DMD: variants seen among roughly 807,000 people sequenced by gnomAD.
The protein encoded by DMD is mutant dystrophin.
A neutral mutation model predicts 330.1 loss-of-function variants in DMD; 63 were observed. That is an observed-to-expected ratio of 0.19 (90% CI 0.16 to 0.24). The LOEUF is 0.24. DMD is among the 10% of genes least tolerant of loss of function. The pLI, the probability that DMD is intolerant of heterozygous loss-of-function variation, is 1.00. For missense variants in DMD, 3,344 were observed against 2,684.1 expected (o/e 1.25, Z -5.43); for synonymous variants, 1,223 against 959.8 (o/e 1.27, Z -5.07).
chrX:32,938,333 G>C (rs181218616), intron 2 of DMD, among the ~76,000 whole-genome samples: 1 of 111,807 alleles, frequency 8.9e-6, no homozygotes, highest in East Asian at 2.8e-4. Context: ...AAAATAACCT[G>C]TGATAGTCCA....
rs774288643 is a variant in DMD, at chrX:32,303,427, GTGTA to G, written c.6117+6651_6117+6654del. ...ACTAATTTTTCTTCCTGGTGGCTGT[GTGTA>G]TGTATCACCTTCTTGAAAAATGTAG... On this transcript the variant is annotated intron_variant, in intron 42 of 78. Coordinates refer to ENST00000357033, the MANE Select transcript of DMD (RefSeq NM_004006.3). Among the ~76,000 whole-genome samples, 22 of 111,186 alleles carry G rather than the reference GTGTA, an allele frequency of 2.0e-4. No individual in the cohort carries two copies. In the South Asian group the frequency reaches 7.8e-3, roughly 40 times the overall value.
chrX:31,866,729 T>G (rs181812028), intron 48 of DMD, among the ~76,000 whole-genome samples: 64 of 112,077 alleles, frequency 5.7e-4, no homozygotes, highest in Middle Eastern at 4.6e-3. Context: ...GGAAACAACT[T>G]TGTATGCAAA....
chrX:33,119,171 A>G (rs1251730981), intron 1 of DMD, among the ~76,000 whole-genome samples: 1 of 112,415 alleles, frequency 8.9e-6, no homozygotes, highest in Non-Finnish European at 1.9e-5. Flanking sequence ...CATTGTATAT[A>G]TAATAGAGAA....
chrX:31,981,570 C>A (rs2095476177), intron 44 of DMD, among the ~76,000 whole-genome samples: 1 of 111,087 alleles, frequency 9.0e-6, no homozygotes, highest in Non-Finnish European at 1.9e-5. Flanking sequence ...CATTCAGGGC[C>A]TTTTTACTTC....
rs1255008402 is a variant in DMD at position 32,448,442 on chromosome X, G to C, written c.3786+14C>G. 12 of 1,205,035 alleles carry C rather than the reference G, an allele frequency of 1.0e-5. No homozygotes were observed. Among genetic ancestry groups the C allele is most frequent in the Non-Finnish European group, 1.3e-5 (12 of 891,364 alleles). ...TTGACATATCATTGACAAAGACCAA[G>C]AAAAGCAACTGACTTCCAAAGTCTT... On this transcript the variant is annotated intron_variant, in intron 27 of 78. Transcript: ENST00000357033.
At chrX:31,612,324 T>C (rs189975094) in intron 55 of DMD, among the ~76,000 whole-genome samples, 38 of 112,270 alleles carry the variant, frequency 3.4e-4, no homozygotes, top group Non-Finnish European at 6.4e-4. Context: ...TTCTTTTAAC[T>C]TCTTGTTCAA....
intron 9 of DMD, among the ~76,000 whole-genome samples, chrX:32,649,879 A>T (rs1425976364): frequency 9.0e-6 from 1 of 111,505 alleles, no homozygotes; most frequent in Non-Finnish European, 1.9e-5. Context: ...AAAAATAAAA[A>T]TATACGTACG....
chrX:32,508,099 A>C (rs776909186), intron 18 of DMD, among the ~76,000 whole-genome samples: 3 of 110,921 alleles, frequency 2.7e-5, no homozygotes, highest in African/African-American at 9.8e-5. Flanking sequence ...GGCCAACAAG[A>C]TATCACAAGG....
At chrX:33,062,484 T>C (rs946460264) in intron 1 of DMD, among the ~76,000 whole-genome samples, 2 of 112,387 alleles carry the variant, frequency 1.8e-5, no homozygotes, top group African/African-American at 6.5e-5. Flanking sequence ...TATTTATCTA[T>C]TTATTTTTGA....
intron 44 of DMD, among the ~76,000 whole-genome samples, chrX:32,042,026 CATATATATATATATAT>C (rs57983190): frequency 1.3e-3 from 52 of 40,459 alleles, no homozygotes; most frequent in Admixed American, 1.8e-3. Flanking sequence ...TCTCTCTGTT[CATATATATATATATAT>C]ATATATATAT....
At chrX:33,107,714 T>G (rs1416649623) in intron 1 of DMD, among the ~76,000 whole-genome samples, 1 of 111,486 alleles carries the variant, frequency 9.0e-6, no homozygotes, top group Non-Finnish European at 1.9e-5. Flanking sequence ...GTCATTAACT[T>G]TAGTGGAGGA....
intron 74 of DMD, among the ~76,000 whole-genome samples, chrX:31,162,091 A>C (rs2038882468): frequency 9.0e-6 from 1 of 111,330 alleles, no homozygotes; most frequent in Admixed American, 9.6e-5. Context: ...TTGTAACAGT[A>C]GGATATAAGT....
chrX:31,785,360 T>C (rs896225184), intron 50 of DMD, among the ~76,000 whole-genome samples: 1 of 112,025 alleles, frequency 8.9e-6, no homozygotes, highest in Admixed American at 9.5e-5. Context: ...TAGAGATCTG[T>C]TGAATAACAA....
chrX:32,841,356 G>A (rs778674804), intron 4 of DMD, among the ~76,000 whole-genome samples: 1 of 111,748 alleles, frequency 8.9e-6, no homozygotes, highest in Admixed American at 9.5e-5. Flanking sequence ...CATGTAAATG[G>A]AAAAGATTAC....
rs758799900 is a variant in DMD at position 31,223,155 on chromosome X, T to A, written c.9287-34A>T. On this transcript the variant is annotated intron_variant, in intron 63 of 78. Coordinates refer to ENST00000357033, the MANE Select transcript of DMD (RefSeq NM_004006.3). ...AGGGAAAACAAAGAGCATTTGTTAT[T>A]CCATCAGAAATAACAGACAACCCAC... 7 of 1,160,545 alleles carry A rather than the reference T, an allele frequency of 6.0e-6. No homozygotes were observed. In the South Asian group the frequency reaches 1.1e-4, roughly 18 times the overall value.
chrX:32,242,163 C>T (rs1379619105), intron 43 of DMD, among the ~76,000 whole-genome samples: 1 of 112,268 alleles, frequency 8.9e-6, no homozygotes, highest in East Asian at 2.8e-4. Context: ...ATTCCACCTT[C>T]AGTCCTTCAG....
intron 2 of DMD, among the ~76,000 whole-genome samples, chrX:32,900,421 C>A (rs1470636568): frequency 2.7e-5 from 3 of 111,537 alleles, no homozygotes; most frequent in African/African-American, 9.8e-5. Context: ...AGCTCTCAGT[C>A]TAACCTTGAA....
chrX:32,555,417 C>A (rs1019360179), intron 16 of DMD, among the ~76,000 whole-genome samples: 20 of 111,656 alleles, frequency 1.8e-4, no homozygotes, highest in African/African-American at 5.9e-4. Flanking sequence ...TCCTTTTCAA[C>A]ATAGTATTGG....
Position 32,732,460 on chromosome X carries a change from T to C in DMD, c.650-33167A>G, listed in dbSNP as rs1286044534. Among the ~76,000 whole-genome samples, 4 of 110,209 alleles carry C rather than the reference T, an allele frequency of 3.6e-5. No individual in the cohort carries two copies. The South Asian group carries it at 1.2e-3, about 33-fold the overall frequency. On this transcript the variant is annotated intron_variant, in intron 7 of 78. Coordinates refer to ENST00000357033, the MANE Select transcript of DMD (RefSeq NM_004006.3). ...AGAGCAACTCCAAGACACATAATTGTCAGATTCACCAAAGTTGAAATGAAG... is the reference window on the plus strand; with the variant it reads ...AGAGCAACTCCAAGACACATAATTGCCAGATTCACCAAAGTTGAAATGAAG...
Sources: gnomAD v4.1 joint callset for allele counts (sites outside exome capture counted in the v4.1 genomes callset) on GRCh38, gnomAD v4.1.1 for gene constraint, MANE v1.5 for transcripts, NCBI Gene and HGNC (gene_info 2026-07-23, HGNC 2026-07-21) for gene names.